Variants in TTC6 observed in about 807,000 individuals in gnomAD.
TTC6 encodes the protein tetratricopeptide repeat protein 6.
In TTC6, 172 loss-of-function variants were observed where a neutral mutation model predicts 210.4. The observed-to-expected ratio is 0.82, with a 90% confidence interval of 0.72 to 0.93. The LOEUF (loss-of-function observed/expected upper bound fraction) is 0.93, where lower values mean the gene tolerates loss of function less well. TTC6 is among the 40% of genes least tolerant of loss of function. The probability of loss-of-function intolerance (pLI) is 0.00; values close to 1 mark genes in which losing one functional copy is unlikely to be tolerated. For synonymous variants in TTC6, 804 were observed against 819.6 expected, an observed-to-expected ratio of 0.98 and a Z score of 0.32; for missense variants, 2,414 against 2,318.1, an observed-to-expected ratio of 1.04 and a Z score of -0.85.
chr14:37,697,982 T>TAAA (rs2095817911), intron 4 of TTC6, among the ~76,000 whole-genome samples: 1 of 152,134 alleles, frequency 6.6e-6, no homozygotes, highest in Non-Finnish European at 1.5e-5. Context: ...GAGTGTGCTA[T>TAAA]AAAAACACAC....
chr14:37,809,931 A>G (rs990465100), intron 24 of TTC6, among the ~76,000 whole-genome samples: 6 of 152,156 alleles, frequency 3.9e-5, no homozygotes, highest in African/African-American at 7.2e-5. Context: ...GCCCATGTCC[A>G]TAGTAAATGA....
intron 13 of TTC6, 42 bp downstream of exon 15, chr14:37,751,267 G>T: frequency 7.1e-7 from 1 of 1,404,394 alleles, no homozygotes; most frequent in South Asian, 1.6e-5. Context: ...ATATAGTTTA[G>T]ATTGCGATAT....
chr14:37,622,929 C>T lies in TTC6; in HGVS notation c.865C>T (p.Gln289Ter), dbSNP rs1198587536. Residue 289 changes from glutamine (Q) to a stop codon, truncating the protein, a stop_gained, in exon 1 of 31, where the codon CAG becomes TAG. Transcript: ENST00000553443. LOFTEE classifies it high-confidence loss of function. ...CATCGCCTCTCTGCAGTCCGAGGCC[C>T]AGCTGGCCTCCGACCAGACCATCAA... 3.9e-6 allele frequency: 6 copies of T among 1,533,412 alleles called. No individual in the cohort carries two copies. The Admixed American group carries it at 1.2e-4, about 30-fold the overall frequency. 95.0% of individuals were successfully genotyped at this position (1,533,412 alleles called of 1,614,324 possible).
chr14:37,630,260 A>G (rs2095667081), intron 1 of TTC6, among the ~76,000 whole-genome samples: 2 of 152,182 alleles, frequency 1.3e-5, no homozygotes, highest in African/African-American at 4.8e-5. Context: ...GCTGTATCCC[A>G]GAGATCCTAG....
chr14:37,772,937 G>T (rs2096025032), intron 14 of TTC6, among the ~76,000 whole-genome samples: 1 of 152,058 alleles, frequency 6.6e-6, no homozygotes, highest in African/African-American at 2.4e-5. Context: ...TTTAATAATA[G>T]CCATTCTGAC....
In TTC6 at chr14:37,791,707, A is replaced by T. The variant is rs548514847; in HGVS notation, c.3558-557A>T. Among the ~76,000 whole-genome samples, 6 of 152,272 alleles carry T rather than the reference A, an allele frequency of 3.9e-5. 1 individual carries two copies. The South Asian group carries it at 1.2e-3, about 32-fold the overall frequency. On this transcript the variant is annotated intron_variant, in intron 16 of 30. Coordinates refer to ENST00000553443, the Ensembl canonical transcript of TTC6. Reference sequence around the variant, plus strand: ...GGATTCTGTGAGGTTGGATTATTGGATGGGTGGTTTTCATTTTGAAATAGA... The same window carrying T: ...GGATTCTGTGAGGTTGGATTATTGGTTGGGTGGTTTTCATTTTGAAATAGA...
intron 24 of TTC6, among the ~76,000 whole-genome samples, chr14:37,811,501 A>G (rs1232922717): frequency 6.6e-6 from 1 of 152,186 alleles, no homozygotes; most frequent in African/African-American, 2.4e-5. Flanking sequence ...GCATAATAAG[A>G]TTTAGCCCTT....
chr14:37,715,986 A>G (rs1464547862), intron 6 of TTC6, among the ~76,000 whole-genome samples: 2 of 151,842 alleles, frequency 1.3e-5, no homozygotes, highest in Non-Finnish European at 2.9e-5. Flanking sequence ...ATGTTTGTCC[A>G]TTGAAACAAA....
At chr14:37,640,200 A>G (rs902925757) in intron 1 of TTC6, among the ~76,000 whole-genome samples, 2 of 151,962 alleles carry the variant, frequency 1.3e-5, no homozygotes, top group African/African-American at 4.8e-5. Context: ...TATAGAATGC[A>G]TGTATATTGT....
rs746839470 is a variant in TTC6, at chr14:37,817,665, T to C, written c.4763+14T>C. On this transcript the variant is annotated intron_variant, in intron 26 of 30. Coordinates refer to ENST00000553443, the Ensembl canonical transcript of TTC6. ...GTGCCATCACAGGTATGGAGTGCAA[T>C]TGATGTCAAAGTGGAATCAAGCAGG... 2.6e-5 allele frequency: 42 copies of C among 1,612,998 alleles called. No homozygotes were observed. The highest frequency in any genetic ancestry group is 4.4e-5 in the South Asian group (4 of 91,014).
At chr14:37,607,108 G>A (rs754493357) in intron 2 of TTC6, among the ~76,000 whole-genome samples, 3 of 152,172 alleles carry the variant, frequency 2.0e-5, no homozygotes, top group Non-Finnish European at 4.4e-5. Flanking sequence ...AAAATCTCTA[G>A]TGTATTACCA....
intron 5 of TTC6, among the ~76,000 whole-genome samples, chr14:37,707,959 T>G (rs944876668): frequency 1.3e-5 from 2 of 152,070 alleles, no homozygotes; most frequent in Non-Finnish European, 1.5e-5. Context: ...GGGGGTGGGA[T>G]GGGACAAGAT....
chr14:37,806,583 A>G (rs1178229249), intron 22 of TTC6, 73 bp downstream of exon 24: 1 of 1,340,408 alleles, frequency 7.5e-7, no homozygotes. Context: ...TTTATGTGCC[A>G]TTGTTATTAA....
rs147362509 is a variant in TTC6, at chr14:37,717,494, C to A, written c.1713+2698C>A. Among the ~76,000 whole-genome samples, 407 of 152,094 alleles carry A rather than the reference C, an allele frequency of 2.7e-3. 4 individuals are homozygous for A. The highest frequency in any genetic ancestry group is 9.5e-3 in the African/African-American group (394 of 41,496). On this transcript the variant is annotated intron_variant, in intron 6 of 30. Transcript: ENST00000553443. ...GAAAAACACAAACTACCACAACTCA[C>A]CCAGTATGAAATAGATTATTTGAAT...
intron 2 of TTC6, among the ~76,000 whole-genome samples, chr14:37,615,881 TG>T (rs1318494574): frequency 6.6e-6 from 1 of 152,264 alleles, no homozygotes; most frequent in Non-Finnish European, 1.5e-5. Context: ...GACTGGAATC[TG>T]TTTATTATGT....
intron 29 of TTC6, among the ~76,000 whole-genome samples, chr14:37,830,866 A>G (rs1029076617): frequency 1.3e-5 from 2 of 152,098 alleles, no homozygotes; most frequent in African/African-American, 4.8e-5. Context: ...TGTGCATACA[A>G]TGTGTAATGA....
chr14:37,728,254 T>C (rs2095877753), intron 7 of TTC6, among the ~76,000 whole-genome samples: 1 of 152,178 alleles, frequency 6.6e-6, no homozygotes, highest in African/African-American at 2.4e-5. Context: ...TAATTAAATA[T>C]GGATTTTCAA....
intron 14 of TTC6, among the ~76,000 whole-genome samples, chr14:37,756,537 T>C (rs2095968335): frequency 6.6e-6 from 1 of 152,222 alleles, no homozygotes; most frequent in Non-Finnish European, 1.5e-5. Context: ...GCCTAGTTTA[T>C]TGAGAGTTTC....
At chr14:37,596,248 T>C (rs2139193065) in intron 1 of TTC6, among the ~76,000 whole-genome samples, 1 of 152,220 alleles carries the variant, frequency 6.6e-6, no homozygotes, top group African/African-American at 2.4e-5. Context: ...TGGTTTCTGA[T>C]AGGAAAAGGT....
Sources: gnomAD v4.1 joint callset for allele counts (sites outside exome capture counted in the v4.1 genomes callset) on GRCh38, gnomAD v4.1.1 for gene constraint, MANE v1.5 for transcripts, NCBI Gene and HGNC (gene_info 2026-07-23, HGNC 2026-07-21) for gene names.